GUCY2F: variants seen among roughly 807,000 people sequenced by gnomAD.
GUCY2F encodes the protein guanylate cyclase 2F, retinal.
GUCY2F carries 61 observed loss-of-function variants against 73.1 expected under a neutral mutation model. That is an observed-to-expected ratio of 0.83 (90% confidence interval 0.68 to 1.03). The LOEUF (loss-of-function observed/expected upper bound fraction) is 1.03, where lower values mean the gene tolerates loss of function less well. Among genes scored for constraint, GUCY2F ranks in the 50% least tolerant of loss-of-function variants. GUCY2F has a pLI of 0.00. For synonymous variants in GUCY2F, 331 were observed against 307.8 expected (o/e 1.08, Z -0.79); for missense variants, 912 against 854.3 (o/e 1.07, Z -0.84).
At chrX:109,467,451 T>G (rs1314168917) in intron 2 of GUCY2F, among the ~76,000 whole-genome samples, 1 of 112,523 alleles carries the variant, frequency 8.9e-6, no homozygotes, top group Non-Finnish European at 1.9e-5. Flanking sequence ...ACAATTTGAT[T>G]TAATTTACTT....
chrX:109,417,929 A>G (rs1261229827), intron 8 of GUCY2F, among the ~76,000 whole-genome samples: 1 of 111,636 alleles, frequency 9.0e-6, no homozygotes, highest in Non-Finnish European at 1.9e-5. Flanking sequence ...ACATAATAAT[A>G]AAATGTATAT....
At chrX:109,400,998 G>A (rs1391921529) in intron 10 of GUCY2F, among the ~76,000 whole-genome samples, 1 of 111,669 alleles carries the variant, frequency 9.0e-6, no homozygotes, top group African/African-American at 3.3e-5. Context: ...GGAAAAAGAG[G>A]GCAAAACTCT....
intron 8 of GUCY2F, among the ~76,000 whole-genome samples, chrX:109,425,956 T>C (rs182292492): frequency 1.4e-3 from 151 of 111,301 alleles, no homozygotes; most frequent in Middle Eastern, 4.6e-3. Context: ...GAAGCTTTGA[T>C]GTATGGGTGG....
chrX:109,471,577 A>G (rs1054258757), intron 2 of GUCY2F, among the ~76,000 whole-genome samples: 1 of 112,391 alleles, frequency 8.9e-6, no homozygotes, highest in African/African-American at 3.2e-5. Flanking sequence ...GCAGGGCACA[A>G]CCTACATAAC....
In GUCY2F at chrX:109,415,271, G is replaced by A. The variant is rs148615093; in HGVS notation, c.1792-6103C>T. 9.1e-4 allele frequency among the ~76,000 whole-genome samples: 102 copies of A among 112,043 alleles called. 2 individuals carry two copies. The East Asian group carries it at 0.027, about 29-fold the overall frequency. On this transcript the variant is annotated intron_variant, in intron 8 of 19. Coordinates refer to ENST00000218006, the MANE Select transcript of GUCY2F (RefSeq NM_001522.3). ...GGGCTTAGCCTAACAGAAAGAATTT[G>A]CTGGGAAAATGCAAAAACTGGTAAT...
chrX:109,463,801 G>A (rs1332972700), intron 3 of GUCY2F, among the ~76,000 whole-genome samples: 2 of 111,357 alleles, frequency 1.8e-5, no homozygotes, highest in Admixed American at 9.5e-5. Flanking sequence ...TCTGGACATT[G>A]CCACCCGTAT....
chrX:109,479,891 A>G (rs1286649626), intron 1 of GUCY2F, among the ~76,000 whole-genome samples: 3 of 111,441 alleles, frequency 2.7e-5, no homozygotes. Context: ...CAAAAAAAAA[A>G]TGGGAGAGTA....
chrX:109,461,271 G>T (rs1276875670), intron 3 of GUCY2F, among the ~76,000 whole-genome samples: 1 of 111,964 alleles, frequency 8.9e-6, no homozygotes, highest in Non-Finnish European at 1.9e-5. Context: ...ATATGAAAGT[G>T]GTTGCTTCTG....
At chrX:109,468,866 G>T (rs773208805) in intron 2 of GUCY2F, among the ~76,000 whole-genome samples, 1 of 111,960 alleles carries the variant, frequency 8.9e-6, no homozygotes, top group South Asian at 3.8e-4. Context: ...TGAGTGCTTC[G>T]TGAACAGGGA....
At chrX:109,401,516 C>T (rs1215566382) in intron 10 of GUCY2F, among the ~76,000 whole-genome samples, 1 of 112,101 alleles carries the variant, frequency 8.9e-6, no homozygotes, top group Non-Finnish European at 1.9e-5. Context: ...GGTAGGGAGA[C>T]AAGTTCCTTT....
At chrX:109,476,645 G>A (rs1932699979) in intron 1 of GUCY2F, among the ~76,000 whole-genome samples, 1 of 109,834 alleles carries the variant, frequency 9.1e-6, no homozygotes, top group Non-Finnish European at 1.9e-5. Flanking sequence ...GGTGAATGAA[G>A]TTGCAGGAGT....
At chrX:109,378,939 T>C (rs760019086) in intron 17 of GUCY2F, among the ~76,000 whole-genome samples, 9 of 112,168 alleles carry the variant, frequency 8.0e-5, no homozygotes, top group Non-Finnish European at 1.7e-4. Flanking sequence ...CCCATGTTCA[T>C]TGCAGCACTA....
chrX:109,480,904 AG>A (rs1301092138), intron 1 of GUCY2F, among the ~76,000 whole-genome samples: 2 of 109,478 alleles, frequency 1.8e-5, no homozygotes, highest in East Asian at 5.7e-4. Context: ...AAAAGAAAAA[AG>A]AAAAAAAGAA....
chrX:109,411,055 T>TGA (rs778905493), intron 8 of GUCY2F, among the ~76,000 whole-genome samples: 4 of 109,751 alleles, frequency 3.6e-5, no homozygotes, highest in Non-Finnish European at 7.6e-5. Context: ...AAATGAGGGA[T>TGA]GAGAGAGAGG....
chrX:109,424,017 C>T (rs1931428472), intron 8 of GUCY2F, among the ~76,000 whole-genome samples: 1 of 111,648 alleles, frequency 9.0e-6, no homozygotes, highest in African/African-American at 3.3e-5. Flanking sequence ...AAGAAAAAAA[C>T]ATAAATTATC....
intron 8 of GUCY2F, among the ~76,000 whole-genome samples, chrX:109,416,051 G>T (rs1357560014): frequency 9.0e-6 from 1 of 110,969 alleles, no homozygotes; most frequent in East Asian, 2.8e-4. Flanking sequence ...AGTAAAATTT[G>T]GGTTTACCTA....
At chrX:109,442,938 C>A (rs967647320) in intron 6 of GUCY2F, among the ~76,000 whole-genome samples, 1 of 112,206 alleles carries the variant, frequency 8.9e-6, no homozygotes, top group African/African-American at 3.2e-5. Context: ...CCAAAATCCA[C>A]ACACATTTTG....
At chrX:109,408,971 T>A (rs760311501) in intron 9 of GUCY2F, 21 bp downstream of exon 9, 2 of 884,438 alleles carry the variant, frequency 2.3e-6, no homozygotes, top group Admixed American at 5.0e-5. Flanking sequence ...AATCCAAGAT[T>A]TCCTCAGTCT....
Position 109,398,669 on chromosome X carries a change from T to G in GUCY2F, c.2155A>C (p.Arg719=), listed in dbSNP as rs1376031576. The G allele has an allele frequency of 4.1e-6, 5 of 1,208,954 alleles. No individual in the cohort carries two copies. The African/African-American group carries it at 8.7e-5, about 21-fold the overall frequency. Residue 719 remains arginine, a synonymous_variant, in exon 11 of 20, where the codon AGA becomes CGA. Coordinates refer to ENST00000218006, the MANE Select transcript of GUCY2F (RefSeq NM_001522.3). The part of the protein sequence containing the change: ...ELLWTAPELL[R]APRGSRLGSF... Reference sequence around the variant, plus strand: ...CCTAACCTGCTGCCTCTTGGAGCTCTCAACAGTTCAGGGGCCGTCCACAGC... The same window carrying G: ...CCTAACCTGCTGCCTCTTGGAGCTCGCAACAGTTCAGGGGCCGTCCACAGC...
Sources: allele counts gnomAD v4.1 joint callset (sites outside exome capture counted in the v4.1 genomes callset), GRCh38; gene constraint gnomAD v4.1.1; transcripts MANE v1.5; gene names NCBI Gene and HGNC (gene_info 2026-07-23, HGNC 2026-07-21).